Variants in OR9Q1 observed in about 807,000 individuals in gnomAD.
OR9Q1 encodes the protein olfactory receptor family 9 subfamily Q member 1.
For missense variants in OR9Q1, 374 were observed against 378.8 expected, an observed-to-expected ratio of 0.99 and a Z score of 0.11; for synonymous variants, 153 against 148.6, an observed-to-expected ratio of 1.03 and a Z score of -0.22.
intron 2 of OR9Q1, among the ~76,000 whole-genome samples, chr11:58,174,199 C>A (rs2119957196): frequency 6.6e-6 from 1 of 152,266 alleles, no homozygotes; most frequent in South Asian, 2.1e-4. Context: ...CCGATGCAAG[C>A]AAAGACTTAA....
chr11:58,060,019 C>G (rs1461732738), intron 2 of OR9Q1: 1 of 152,386 alleles, frequency 6.6e-6, no homozygotes, highest in Non-Finnish European at 1.5e-5. Flanking sequence ...GCCCTGCCCT[C>G]TGCCTTCTGG....
intron 2 of OR9Q1, among the ~76,000 whole-genome samples, chr11:58,139,552 C>T (rs545941354): frequency 6.6e-5 from 10 of 151,874 alleles, no homozygotes; most frequent in South Asian, 4.2e-4. Context: ...TTTGTCTTTG[C>T]GATAGTTTGC....
At chr11:58,113,217 C>T (rs1192480462) in intron 2 of OR9Q1, among the ~76,000 whole-genome samples, 2 of 152,174 alleles carry the variant, frequency 1.3e-5, no homozygotes, top group Non-Finnish European at 2.9e-5. Flanking sequence ...TTTAATGCAC[C>T]TGGTCTACTA....
At chr11:58,095,726 G>A (rs1457342693) in intron 2 of OR9Q1, among the ~76,000 whole-genome samples, 1 of 152,136 alleles carries the variant, frequency 6.6e-6, no homozygotes, top group African/African-American at 2.4e-5. Context: ...TCCCTCCCAT[G>A]GCGAGTGGGG....
intron 2 of OR9Q1, chr11:58,119,081 G>T: frequency 6.2e-7 from 1 of 1,613,944 alleles, no homozygotes; most frequent in South Asian, 1.1e-5. Flanking sequence ...GCAGCATAGC[G>T]ATCATAGGCC....
In OR9Q1 at chr11:58,177,526, A is replaced by G. The variant is rs377448373; in HGVS notation, c.-14-1905A>G. Among the ~76,000 whole-genome samples the G allele has an allele frequency of 2.6e-3, 391 of 152,346 alleles. 19 individuals are homozygous for G. In the South Asian group the frequency reaches 0.077, roughly 30 times the overall value. ...TAGTGTTTATCTGTTTTCTATTATT[A>G]AGGACAATATCAGTTCTTATAAAAG... On this transcript the variant is annotated intron_variant, in intron 2 of 2. Coordinates refer to ENST00000335397, the MANE Select transcript of OR9Q1 (RefSeq NM_001005212.4).
intron 1 of OR9Q1, chr11:58,041,600 A>T (rs902941019): frequency 6.6e-6 from 1 of 152,500 alleles, no homozygotes; most frequent in Admixed American, 6.5e-5. Flanking sequence ...TAGAACAAGA[A>T]GTCAAGGGTT....
intron 2 of OR9Q1, chr11:58,118,405 T>G: frequency 1.3e-6 from 1 of 781,494 alleles, no homozygotes; most frequent in Non-Finnish European, 2.1e-6. Flanking sequence ...GTCTTCTCTG[T>G]TTGTGGGTAT....
intron 2 of OR9Q1, chr11:58,118,895 G>C: frequency 8.1e-6 from 13 of 1,614,042 alleles, no homozygotes; most frequent in Non-Finnish European, 1.1e-5. Flanking sequence ...AGCTTCAGCA[G>C]GGGTGGGAGG....
chr11:58,034,526 A>T (rs750906160), intron 1 of OR9Q1, among the ~76,000 whole-genome samples: 69 of 152,132 alleles, frequency 4.5e-4, no homozygotes, highest in Non-Finnish European at 8.2e-4. Context: ...AGCGCCCATA[A>T]ATCAAGCTTA....
At chr11:58,160,344 G>T (rs534670429) in intron 2 of OR9Q1, among the ~76,000 whole-genome samples, 1 of 152,218 alleles carries the variant, frequency 6.6e-6, no homozygotes, top group Non-Finnish European at 1.5e-5. Flanking sequence ...AATTTATTAC[G>T]AAGTGATAGA....
At chr11:58,091,620 G>T (rs1358794590) in intron 2 of OR9Q1, among the ~76,000 whole-genome samples, 1 of 152,170 alleles carries the variant, frequency 6.6e-6, no homozygotes, top group African/African-American at 2.4e-5. Flanking sequence ...TGTATATTCT[G>T]TTGATTTGGG....
At chr11:58,078,988 C>T (rs189264186) in intron 2 of OR9Q1, among the ~76,000 whole-genome samples, 43 of 152,282 alleles carry the variant, frequency 2.8e-4, no homozygotes, top group African/African-American at 9.6e-4. Context: ...ATTTCTTTTT[C>T]CAGGAGACAG....
chr11:58,154,182 GAAGGAGGAGGAGAAGGGGGA>G (rs1854383023), intron 2 of OR9Q1, among the ~76,000 whole-genome samples: 2 of 60,094 alleles, frequency 3.3e-5, no homozygotes, highest in Admixed American at 4.1e-4. Flanking sequence ...AGGAGGAGGG[GAAGGAGGAGGAGAAGGGGGA>G]GGAGAAGGAG....
intron 2 of OR9Q1, among the ~76,000 whole-genome samples, chr11:58,146,625 CAAAA>C (rs145789784): frequency 6.6e-6 from 1 of 152,160 alleles, no homozygotes; most frequent in Non-Finnish European, 1.5e-5. Flanking sequence ...CAAAGTGAAA[CAAAA>C]GAAGCAGCAC....
At chr11:58,179,192 T>G (rs1027348141) in intron 2 of OR9Q1, among the ~76,000 whole-genome samples, 2 of 151,498 alleles carry the variant, frequency 1.3e-5, no homozygotes, top group African/African-American at 4.9e-5. Flanking sequence ...ATGGCTAATT[T>G]TTTTTGCATT....
intron 2 of OR9Q1, among the ~76,000 whole-genome samples, chr11:58,158,327 G>A (rs1289797260): frequency 6.6e-6 from 1 of 151,744 alleles, no homozygotes; most frequent in Non-Finnish European, 1.5e-5. Context: ...AATAAACTTG[G>A]GTCAACAGGC....
intron 2 of OR9Q1, chr11:58,077,455 TG>T (rs1252832793): frequency 6.6e-6 from 1 of 152,214 alleles, no homozygotes; most frequent in Non-Finnish European, 1.5e-5. Flanking sequence ...ATAAAGATGG[TG>T]CAAGTCATGA....
At chr11:58,167,249 G>A (rs1164131633) in intron 2 of OR9Q1, among the ~76,000 whole-genome samples, 1 of 152,046 alleles carries the variant, frequency 6.6e-6, no homozygotes, top group Non-Finnish European at 1.5e-5. Context: ...CCCTGAATTT[G>A]ACACTTCATT....
Sources: gnomAD v4.1 joint callset for allele counts (sites outside exome capture counted in the v4.1 genomes callset) on GRCh38, gnomAD v4.1.1 for gene constraint, MANE v1.5 for transcripts, NCBI Gene and HGNC (gene_info 2026-07-23, HGNC 2026-07-21) for gene names.